The following DTNB variants were observed in gnomAD, a reference collection of about 807,000 sequenced individuals.
The protein encoded by DTNB is dystrobrevin beta.
A neutral mutation model predicts 90.7 loss-of-function variants in DTNB; 63 were observed. The observed-to-expected ratio is 0.69, with a 90% CI of 0.57 to 0.86. The LOEUF is 0.86. Among genes scored for constraint, DTNB ranks in the 40% least tolerant of loss-of-function variants. DTNB has a pLI of 0.00. For missense variants in DTNB, 744 were observed against 807.1 expected, an observed-to-expected ratio of 0.92 and a Z score of 0.95; for synonymous variants, 277 against 286.7, an observed-to-expected ratio of 0.97 and a Z score of 0.34.
chr2:25,385,878 C>T (rs2039333485), intron 18 of DTNB: 2 of 348,372 alleles, frequency 5.7e-6, no homozygotes, highest in African/African-American at 4.4e-5. Flanking sequence ...AACGCAGAAG[C>T]CACTTATTTT....
intron 9 of DTNB, among the ~76,000 whole-genome samples, chr2:25,491,837 G>A (rs1236677235): frequency 1.3e-5 from 2 of 151,426 alleles, no homozygotes; most frequent in Non-Finnish European, 2.9e-5. Flanking sequence ...ATTTTCCATG[G>A]ATTCACTCAT....
At chr2:25,406,082 G>A (rs1417689051) in intron 16 of DTNB, among the ~76,000 whole-genome samples, 2 of 152,074 alleles carry the variant, frequency 1.3e-5, no homozygotes, top group African/African-American at 2.4e-5. Context: ...TGCTGATAAC[G>A]GCATCAGCAG....
intron 6 of DTNB, among the ~76,000 whole-genome samples, chr2:25,590,745 G>A (rs1268969932): frequency 6.6e-6 from 1 of 152,196 alleles, no homozygotes; most frequent in Admixed American, 6.5e-5. Context: ...GTGGCCATGG[G>A]TAGGCTTGGA....
At chr2:25,649,776 A>C (rs2080447240) in intron 2 of DTNB, 1 of 153,758 alleles carries the variant, frequency 6.5e-6, no homozygotes, top group Non-Finnish European at 1.4e-5. Context: ...ATAACCATTA[A>C]GACTAATAAG....
intron 20 of DTNB, 60 bp from the exon 21 acceptor site, chr2:25,377,613 G>T: frequency 6.6e-6 from 1 of 152,644 alleles, no homozygotes. Context: ...GACAAAAGCT[G>T]CTAACATCTA....
intron 16 of DTNB, among the ~76,000 whole-genome samples, chr2:25,408,048 G>A (rs972467590): frequency 2.0e-5 from 3 of 152,096 alleles, no homozygotes; most frequent in African/African-American, 7.2e-5. Flanking sequence ...GCTCATACCT[G>A]TAATCCCAGC....
At chr2:25,460,606 C>T (rs542750627) in intron 10 of DTNB, among the ~76,000 whole-genome samples, 8 of 152,148 alleles carry the variant, frequency 5.3e-5, no homozygotes, top group Admixed American at 1.3e-4. Flanking sequence ...GTGCAACAGG[C>T]GTTTCAAGTA....
chr2:25,486,124 A>AAAAAT (rs143035949), intron 9 of DTNB, among the ~76,000 whole-genome samples: 1 of 145,586 alleles, frequency 6.9e-6, no homozygotes, highest in African/African-American at 2.6e-5. Context: ...TCCATCTCAA[A>AAAAAT]AAAATAAAAT....
At chr2:25,519,893 T>C (rs1174144977) in intron 9 of DTNB, among the ~76,000 whole-genome samples, 2 of 152,152 alleles carry the variant, frequency 1.3e-5, no homozygotes. Flanking sequence ...TATCATCTTG[T>C]CAGTTTCCTC....
intron 4 of DTNB, among the ~76,000 whole-genome samples, chr2:25,611,590 T>C (rs996145098): frequency 2.6e-5 from 4 of 152,164 alleles, no homozygotes; most frequent in African/African-American, 7.2e-5. Context: ...CTGGCAATGC[T>C]GAGGAGTTTG....
chr2:25,636,707 T>C (rs2077200832), intron 3 of DTNB, among the ~76,000 whole-genome samples: 1 of 152,184 alleles, frequency 6.6e-6, no homozygotes, highest in African/African-American at 2.4e-5. Flanking sequence ...TCAGAACACA[T>C]TTAGCCTTAC....
chr2:25,649,943 C>T (rs2080496452), intron 2 of DTNB: 1 of 895,848 alleles, frequency 1.1e-6, no homozygotes, highest in Non-Finnish European at 1.3e-6. Flanking sequence ...GGGGGTGGGG[C>T]TTCCAGCAGC....
At chr2:25,599,945 A>AT (rs2065502805) in intron 5 of DTNB, among the ~76,000 whole-genome samples, 1 of 151,436 alleles carries the variant, frequency 6.6e-6, no homozygotes, top group Admixed American at 6.6e-5. Flanking sequence ...AAAAATAAAA[A>AT]AAATTAGCTA....
chr2:25,413,410 C>G (rs924119477), intron 16 of DTNB, among the ~76,000 whole-genome samples: 1 of 119,172 alleles, frequency 8.4e-6, no homozygotes, highest in South Asian at 3.4e-4. Flanking sequence ...TGCTATCCCT[C>G]CCCCCTCCCC....
At chr2:25,462,837 G>A (rs2061205560) in intron 10 of DTNB, among the ~76,000 whole-genome samples, 1 of 152,134 alleles carries the variant, frequency 6.6e-6, no homozygotes, top group African/African-American at 2.4e-5. Flanking sequence ...CCAAGTAGCT[G>A]GGACTACAGG....
intron 4 of DTNB, among the ~76,000 whole-genome samples, chr2:25,609,036 C>T (rs2067787123): frequency 6.6e-6 from 1 of 152,186 alleles, no homozygotes. Flanking sequence ...GTTTGGAGCA[C>T]AAGCAGCAAG....
intron 6 of DTNB, among the ~76,000 whole-genome samples, chr2:25,583,914 A>G (rs1177158835): frequency 2.6e-5 from 4 of 152,174 alleles, no homozygotes; most frequent in Non-Finnish European, 5.9e-5. Context: ...ATCAATCTCC[A>G]AAAATTGTCC....
intron 11 of DTNB, among the ~76,000 whole-genome samples, chr2:25,453,274 T>C (rs1005465264): frequency 1.3e-5 from 2 of 152,216 alleles, no homozygotes; most frequent in Admixed American, 6.5e-5. Context: ...ACTGCTTTAA[T>C]TGGCTATGTT....
At chr2:25,454,369 A>C (rs2059700482) in intron 11 of DTNB, among the ~76,000 whole-genome samples, 1 of 152,198 alleles carries the variant, frequency 6.6e-6, no homozygotes, top group South Asian at 2.1e-4. Context: ...TGACCCTCCC[A>C]AGGAGCCATG....
Sources: gnomAD v4.1 joint callset for allele counts (sites outside exome capture counted in the v4.1 genomes callset) on GRCh38, gnomAD v4.1.1 for gene constraint, MANE v1.5 for transcripts, NCBI Gene and HGNC (gene_info 2026-07-23, HGNC 2026-07-21) for gene names.